The following GABRB3 variants were observed in gnomAD, a reference collection of about 807,000 sequenced individuals.
The protein encoded by GABRB3 is gamma-aminobutyric acid type A receptor subunit beta3.
Under a neutral mutation model 52.1 loss-of-function variants are expected in GABRB3, and 14 were observed. The ratio of observed to expected loss-of-function variants is 0.27; its 90% CI spans 0.18 to 0.42. GABRB3 has a LOEUF of 0.42. Among genes scored for constraint, GABRB3 ranks in the 10% least tolerant of loss-of-function variants. The pLI is 1.00. For synonymous variants in GABRB3, 260 were observed against 232.3 expected (o/e 1.12, Z -1.08); for missense variants, 307 against 609.1 (o/e 0.50, Z 5.22).
At chr15:26,697,506 C>G (rs1226544059) in intron 3 of GABRB3, among the ~76,000 whole-genome samples, 1 of 152,080 alleles carries the variant, frequency 6.6e-6, no homozygotes, top group Non-Finnish European at 1.5e-5. Flanking sequence ...TTCCCTCCAC[C>G]CTGGCACACT....
chr15:26,584,848 C>G (rs947273001), intron 4 of GABRB3, among the ~76,000 whole-genome samples: 3 of 152,306 alleles, frequency 2.0e-5, no homozygotes, highest in Admixed American at 2.0e-4. Context: ...TGGTGGGTTC[C>G]TGAGTCAAAG....
intron 3 of GABRB3, among the ~76,000 whole-genome samples, chr15:26,768,439 A>G (rs1891055424): frequency 3.9e-5 from 6 of 152,196 alleles, no homozygotes; most frequent in Admixed American, 3.9e-4. Context: ...TTTAAAACTC[A>G]TATTTTAAAA....
chr15:26,552,839 G>A (rs912373548), intron 8 of GABRB3, among the ~76,000 whole-genome samples: 2 of 152,170 alleles, frequency 1.3e-5, no homozygotes, highest in Non-Finnish European at 2.9e-5. Flanking sequence ...TGTGGAGAGG[G>A]CCTGGGAGGG....
chr15:26,597,146 T>C (rs1891421984), intron 4 of GABRB3, among the ~76,000 whole-genome samples: 1 of 152,134 alleles, frequency 6.6e-6, no homozygotes, highest in African/African-American at 2.4e-5. Context: ...GCCCCACCTC[T>C]CCATGCTGCC....
At chr15:26,580,530 A>G in intron 5 of GABRB3, 74 bp from the exon 6 acceptor site, 1 of 1,587,112 alleles carries the variant, frequency 6.3e-7, no homozygotes, top group South Asian at 1.1e-5. Context: ...AACTATCATT[A>G]ACATGGAGGT....
intron 3 of GABRB3, among the ~76,000 whole-genome samples, chr15:26,704,459 A>C (rs1889033306): frequency 6.6e-6 from 1 of 152,194 alleles, no homozygotes; most frequent in Non-Finnish European, 1.5e-5. Context: ...TCTCCTTGCC[A>C]AACAGTCATT....
At chr15:26,697,920 T>C (rs28702017) in intron 3 of GABRB3, among the ~76,000 whole-genome samples, 3,641 of 152,298 alleles carry the variant, frequency 0.024, 141 homozygotes, top group African/African-American at 0.083. Context: ...CCAAATACTT[T>C]TATTTTTCCG....
intron 8 of GABRB3, among the ~76,000 whole-genome samples, chr15:26,552,381 G>T (rs1316427502): frequency 6.6e-6 from 1 of 152,212 alleles, no homozygotes; most frequent in Non-Finnish European, 1.5e-5. Context: ...ATGACAAAGT[G>T]TGTCTGCATG....
chr15:26,687,598 T>G (rs1221396544), intron 3 of GABRB3, among the ~76,000 whole-genome samples: 1 of 152,124 alleles, frequency 6.6e-6, no homozygotes, highest in African/African-American at 2.4e-5. Flanking sequence ...CTCAATCATT[T>G]CTCAGAATGA....
intron 3 of GABRB3, among the ~76,000 whole-genome samples, chr15:26,763,138 G>A (rs1456518564): frequency 6.6e-6 from 1 of 152,202 alleles, no homozygotes; most frequent in African/African-American, 2.4e-5. Context: ...TGTATCAGTG[G>A]TGAGAAATTA....
intron 3 of GABRB3, among the ~76,000 whole-genome samples, chr15:26,739,685 T>C (rs1361938172): frequency 6.6e-6 from 1 of 152,170 alleles, no homozygotes. Context: ...AAAAAGATTT[T>C]TATTGATACA....
chr15:26,694,535 C>T (rs1595534594), intron 3 of GABRB3, among the ~76,000 whole-genome samples: 1 of 152,164 alleles, frequency 6.6e-6, no homozygotes, highest in South Asian at 2.1e-4. Flanking sequence ...CCTCTAACAT[C>T]TACAGCTACA....
chr15:26,590,073 T>G lies in GABRB3; in HGVS notation c.462-6659A>C, dbSNP rs867092975. On this transcript the variant is annotated intron_variant, in intron 4 of 8. Coordinates refer to ENST00000311550, the MANE Select transcript of GABRB3 (RefSeq NM_000814.6). ...AGAGGCTTGGATAAGAATCCCCTAT[T>G]TTTATGGTCAAGTGGTCTCCGTGAA... The G allele has an allele frequency of 3.3e-5, 5 of 152,114 alleles. 1 individual carries two copies. In the South Asian group the frequency reaches 6.2e-4, roughly 19 times the overall value. The allele number at this position is 152,114 out of a possible 1,614,324, so 9.4% of individuals were successfully genotyped here. A position where few individuals can be genotyped will look rare whatever the true frequency, so the allele number is the denominator to read the frequency against.
At chr15:26,596,788 T>C (rs1412929658) in intron 4 of GABRB3, among the ~76,000 whole-genome samples, 1 of 152,200 alleles carries the variant, frequency 6.6e-6, no homozygotes, top group East Asian at 1.9e-4. Context: ...CAACCTTCAT[T>C]AGTTCATTTT....
At chr15:26,590,424 T>TC (rs1891151851) in intron 4 of GABRB3, among the ~76,000 whole-genome samples, 1 of 152,134 alleles carries the variant, frequency 6.6e-6, no homozygotes, top group Non-Finnish European at 1.5e-5. Context: ...CCCTTTGCAG[T>TC]CACCCTACGG....
Position 26,763,528 on chromosome 15 carries a change from A to C in GABRB3, c.240+8874T>G, listed in dbSNP as rs551767921. 9.9e-5 allele frequency among the ~76,000 whole-genome samples: 15 copies of C among 151,978 alleles called. No individual in the cohort carries two copies. In the South Asian group the frequency reaches 1.5e-3, roughly 15 times the overall value. On this transcript the variant is annotated intron_variant, in intron 3 of 8. Coordinates refer to ENST00000311550, the MANE Select transcript of GABRB3 (RefSeq NM_000814.6). ...CACATAGAGAATTACAGTCAGCATAATTGGCAAAAATTAACAATATTACAA... is the reference window on the plus strand; with the variant it reads ...CACATAGAGAATTACAGTCAGCATACTTGGCAAAAATTAACAATATTACAA...
intron 3 of GABRB3, among the ~76,000 whole-genome samples, chr15:26,641,887 CTCTT>C (rs779631518): frequency 2.6e-5 from 4 of 151,794 alleles, no homozygotes; most frequent in Non-Finnish European, 5.9e-5. Context: ...ACTTTTTCTT[CTCTT>C]TCTTTTTTTT....
chr15:26,554,466 A>C (rs1889678990), intron 8 of GABRB3, among the ~76,000 whole-genome samples: 1 of 151,990 alleles, frequency 6.6e-6, no homozygotes, highest in Non-Finnish European at 1.5e-5. Context: ...TAAAGGAAGA[A>C]AGGGGAGTAT....
intron 3 of GABRB3, among the ~76,000 whole-genome samples, chr15:26,638,943 AAC>A (rs1805878549): frequency 6.6e-6 from 1 of 152,142 alleles, no homozygotes; most frequent in Admixed American, 6.5e-5. Flanking sequence ...GAGGTGCAAG[AAC>A]ACAGTCTTCC....
Sources: gnomAD v4.1 joint callset for allele counts (sites outside exome capture counted in the v4.1 genomes callset) on GRCh38, gnomAD v4.1.1 for gene constraint, MANE v1.5 for transcripts, NCBI Gene and HGNC (gene_info 2026-07-23, HGNC 2026-07-21) for gene names.